The following CKLF variants were observed in gnomAD, a reference collection of about 807,000 sequenced individuals.
CKLF encodes chemokine like factor.
In CKLF, 16 loss-of-function variants were observed where a neutral mutation model predicts 12.9. The ratio of observed to expected loss-of-function variants is 1.24; its 90% CI spans 0.84 to 1.88. The LOEUF is 1.88. CKLF is among the 40% of genes most tolerant of loss of function. The pLI is 0.00. For synonymous variants in CKLF, 61 were observed against 69.0 expected (o/e 0.88, Z 0.57); for missense variants, 172 against 188.5 (o/e 0.91, Z 0.51).
chr16:66,565,786 C>G (rs1187585934), intron 3 of CKLF, 100 bp from the exon 4 acceptor site: 1 of 1,081,356 alleles, frequency 9.2e-7, no homozygotes, highest in Non-Finnish European at 1.4e-6. Flanking sequence ...TCCGAGTACC[C>G]TAGCAAGAGA....
At chr16:66,562,147 C>T (rs2011775638) in intron 2 of CKLF, among the ~76,000 whole-genome samples, 1 of 151,490 alleles carries the variant, frequency 6.6e-6, no homozygotes, top group African/African-American at 2.4e-5. Context: ...TGCAGTGGTG[C>T]AATCTTGGCT....
Position 66,552,803 on chromosome 16 carries a change from G to T in CKLF, c.78+10G>T. 6.2e-7 allele frequency: 1 copy of T among 1,613,922 alleles called. No homozygotes were observed. The highest frequency in any genetic ancestry group is 8.5e-7 in the Non-Finnish European group (1 of 1,179,904). Reference sequence around the variant, plus strand: ...GAAGATGCTGCGGCTGGTGAGGCCGGGCCGCGGAGGGCGGGAGGCTGATGA... The same window carrying T: ...GAAGATGCTGCGGCTGGTGAGGCCGTGCCGCGGAGGGCGGGAGGCTGATGA... On this transcript the variant is annotated intron_variant, in intron 1 of 3. Coordinates refer to ENST00000264001, the MANE Select transcript of CKLF (RefSeq NM_016951.4).
intron 2 of CKLF, among the ~76,000 whole-genome samples, chr16:66,562,091 C>T (rs1309078270): frequency 6.8e-6 from 1 of 147,044 alleles, no homozygotes; most frequent in Non-Finnish European, 1.5e-5. Flanking sequence ...TATTAATTGC[C>T]TTTTTTTTTT....
chr16:66,560,600 A>G (rs2011638685), intron 2 of CKLF, among the ~76,000 whole-genome samples: 1 of 152,140 alleles, frequency 6.6e-6, no homozygotes, highest in Non-Finnish European at 1.5e-5. Flanking sequence ...ACCTCGTGAT[A>G]TTAACTGAGC....
chr16:66,552,838 G>A, intron 1 of CKLF, 45 bp downstream of exon 1: 1 of 1,613,478 alleles, frequency 6.2e-7, no homozygotes, highest in Middle Eastern at 1.7e-4. Context: ...AAGCTGCTGG[G>A]GGGCGGGAGA....
chr16:66,563,608 TTAAGA>T (rs2011907281), intron 3 of CKLF, among the ~76,000 whole-genome samples: 1 of 152,322 alleles, frequency 6.6e-6, no homozygotes, highest in East Asian at 1.9e-4. Flanking sequence ...ATACCATTTG[TTAAGA>T]TGAGACAGAC....
Position 66,552,629 on chromosome 16 carries a change from G to T in CKLF, c.-87G>T. 1.3e-6 allele frequency: 2 copies of T among 1,599,830 alleles called. No homozygotes were observed. Among genetic ancestry groups the T allele is most frequent in the Middle Eastern group, 3.4e-4 (2 of 5,948 alleles). ...GGGGAGGGCGGTGCTCCGCCGCGGT[G>T]GCGGTTGCTATCGCTTCGCAGAACC... On this transcript the variant is annotated 5_prime_UTR_variant, in exon 1 of 4. Transcript: ENST00000264001.
At position 66,563,145 on chromosome 16, in the gene CKLF, A is replaced by T; in HGVS notation, c.261A>T (p.Thr87=). ...PLLDIINSLV[T]TVFMLIVSVL... is the part of the protein sequence containing the mutation. ...AGGATATTATCAACTCACTGGTAAC[A>T]ACAGTATTCATGCTCATCGTATCTG... Residue 87 remains threonine (T), a synonymous_variant, in exon 3 of 4, where the codon ACA becomes ACT. Coordinates refer to ENST00000264001, the MANE Select transcript of CKLF (RefSeq NM_016951.4). The T allele has an allele frequency of 6.2e-7, 1 of 1,614,128 alleles. No homozygotes were observed. The highest frequency in any genetic ancestry group is 1.1e-5 in the South Asian group (1 of 91,074).
At chr16:66,558,531 G>C (rs1166390385) in intron 2 of CKLF, 183 bp downstream of exon 2, 7 of 744,502 alleles carry the variant, frequency 9.4e-6, no homozygotes, top group African/African-American at 1.8e-5. Context: ...AGGATGCAGG[G>C]CAGCCACAGA....
chr16:66,559,355 C>G (rs1042919437), intron 2 of CKLF, among the ~76,000 whole-genome samples: 4 of 152,164 alleles, frequency 2.6e-5, no homozygotes, highest in Non-Finnish European at 5.9e-5. Context: ...AAGGGAAAAG[C>G]TGGGAAATAG....
Position 66,563,339 on chromosome 16 carries a change from A to G in CKLF, c.333+122A>G, listed in dbSNP as rs945179494. 44 of 1,145,966 alleles carry G rather than the reference A, an allele frequency of 3.8e-5. No individual in the cohort carries two copies. The African/African-American group carries it at 6.3e-4, about 16-fold the overall frequency. 71.0% of individuals were successfully genotyped at this position (1,145,966 alleles called of 1,614,324 possible). On this transcript the variant is annotated intron_variant, in intron 3 of 3. Transcript: ENST00000264001. ...ATCCTTGAGATTCCTAGGCCAATAT[A>G]CAATGCCTAGTGGCTTAATATTTTT... is the stretch of plus-strand genomic sequence containing the variant.
intron 2 of CKLF, among the ~76,000 whole-genome samples, chr16:66,562,813 C>T (rs754627033): frequency 2.0e-5 from 3 of 152,102 alleles, no homozygotes; most frequent in South Asian, 2.1e-4. Flanking sequence ...CTCTGCCTCC[C>T]GGGTTCAAGC....
intron 2 of CKLF, 25 bp downstream of exon 2, chr16:66,558,373 A>T (rs1362393464): frequency 6.3e-7 from 1 of 1,586,400 alleles, no homozygotes; most frequent in Non-Finnish European, 8.5e-7. Context: ...TCATCCTTAA[A>T]TTTTACTTTT....
intron 2 of CKLF, among the ~76,000 whole-genome samples, chr16:66,561,913 T>C (rs1481617739): frequency 6.6e-6 from 1 of 152,200 alleles, no homozygotes; most frequent in Non-Finnish European, 1.5e-5. Context: ...ATTGCACTTC[T>C]TGACATCACA....
chr16:66,561,454 C>T (rs1385500380), intron 2 of CKLF, among the ~76,000 whole-genome samples: 1 of 152,170 alleles, frequency 6.6e-6, no homozygotes, highest in East Asian at 1.9e-4. Context: ...TCTTGAGGAT[C>T]ATTGGTGTTT....
At chr16:66,552,859 A>C in intron 1 of CKLF, 66 bp downstream of exon 1, 1 of 1,610,494 alleles carries the variant, frequency 6.2e-7, no homozygotes, top group Non-Finnish European at 8.5e-7. Context: ...TGTGGGTGTG[A>C]AGTGCAAAGC....
At chr16:66,559,180 G>A (rs990302723) in intron 2 of CKLF, among the ~76,000 whole-genome samples, 1 of 152,062 alleles carries the variant, frequency 6.6e-6, no homozygotes, top group African/African-American at 2.4e-5. Flanking sequence ...TCATCCTCTT[G>A]GATGCCACAG....
chr16:66,562,112 T>TA (rs1302818577), intron 2 of CKLF, among the ~76,000 whole-genome samples: 2 of 150,246 alleles, frequency 1.3e-5, no homozygotes, highest in Non-Finnish European at 1.5e-5. Context: ...TGAGACGGAG[T>TA]AAAAAAAATT....
Position 66,552,605 on chromosome 16 carries a change from G to A in CKLF, c.-111G>A, listed in dbSNP as rs544622196. ...GGAAGCCGAGCTGGGCGAGAAGTAG[G>A]GGAGGGCGGTGCTCCGCCGCGGTGG... On this transcript the variant is annotated 5_prime_UTR_variant, in exon 1 of 4. Transcript: ENST00000264001. 1.8e-5 allele frequency: 28 copies of A among 1,541,192 alleles called. No homozygotes were observed. Among genetic ancestry groups the A allele is most frequent in the Non-Finnish European group, 2.2e-5 (25 of 1,121,950 alleles).
Sources: allele counts gnomAD v4.1 joint callset (sites outside exome capture counted in the v4.1 genomes callset), GRCh38; gene constraint gnomAD v4.1.1; transcripts MANE v1.5; gene names NCBI Gene and HGNC (gene_info 2026-07-23, HGNC 2026-07-21).